TRIM23: variants seen among roughly 807,000 people sequenced by gnomAD.
The protein encoded by TRIM23 is E3 ubiquitin-protein ligase TRIM23.
Under a neutral mutation model 71.0 loss-of-function variants are expected in TRIM23, and 27 were observed. The ratio of observed to expected loss-of-function variants is 0.38; its 90% CI spans 0.28 to 0.52. The LOEUF (loss-of-function observed/expected upper bound fraction) is 0.52. TRIM23 is among the 20% of genes least tolerant of loss of function. TRIM23 has a pLI of 0.84. For synonymous variants in TRIM23, 234 were observed against 238.0 expected, an observed-to-expected ratio of 0.98 and a Z score of 0.16; for missense variants, 482 against 692.3, an observed-to-expected ratio of 0.70 and a Z score of 3.41.
chr5:65,607,208 G>C (rs1754532104), intron 6 of TRIM23: 1 of 152,114 alleles, frequency 6.6e-6, no homozygotes, highest in Non-Finnish European at 1.5e-5. Context: ...TTATAAAATA[G>C]AACAAAACTA....
chr5:65,595,279 C>T (rs890106396), intron 9 of TRIM23, among the ~76,000 whole-genome samples: 3 of 151,396 alleles, frequency 2.0e-5, no homozygotes, highest in South Asian at 2.1e-4. Context: ...TGAATGTGGC[C>T]GGGCGCGGTG....
chr5:65,596,024 T>C (rs865798190), intron 9 of TRIM23, among the ~76,000 whole-genome samples: 2 of 152,270 alleles, frequency 1.3e-5, no homozygotes, highest in South Asian at 2.1e-4. Flanking sequence ...AGTGGGGCTA[T>C]AGTGAGATTA....
chr5:65,623,179 T>C (rs1754994708), intron 1 of TRIM23, among the ~76,000 whole-genome samples: 1 of 152,246 alleles, frequency 6.6e-6, no homozygotes, highest in Non-Finnish European at 1.5e-5. Flanking sequence ...CATAGGTGTC[T>C]ACTTTTCAAG....
intron 6 of TRIM23, chr5:65,606,870 A>C (rs1015657778): frequency 1.3e-5 from 2 of 152,228 alleles, no homozygotes; most frequent in African/African-American, 4.8e-5. Context: ...AGTATAATTA[A>C]CTTACTTAGA....
At chr5:65,605,468 G>A (rs1240667299) in intron 6 of TRIM23, among the ~76,000 whole-genome samples, 1 of 152,160 alleles carries the variant, frequency 6.6e-6, no homozygotes, top group Non-Finnish European at 1.5e-5. Context: ...GTGAGTATGA[G>A]GGAACTACTG....
intron 7 of TRIM23, among the ~76,000 whole-genome samples, chr5:65,598,749 A>G: frequency 6.2e-5 from 1 of 16,074 alleles, no homozygotes; most frequent in East Asian, 6.1e-4. Context: ...ACTCCGCCTC[A>G]AAAAAAAAAA....
chr5:65,599,030 C>G (rs961736290), intron 7 of TRIM23, among the ~76,000 whole-genome samples: 3 of 152,056 alleles, frequency 2.0e-5, no homozygotes, highest in Non-Finnish European at 1.5e-5. Flanking sequence ...AAACTGAAAG[C>G]TTTTTCTCTA....
Position 65,597,200 on chromosome 5 carries a change from A to C in TRIM23, c.1180-20T>G. Reference sequence around the variant, plus strand: ...ATTATCCTACAATTTAAATATTTTTAAATATGTTTGACATGCAGTTAGAAA... The same window carrying C: ...ATTATCCTACAATTTAAATATTTTTCAATATGTTTGACATGCAGTTAGAAA... On this transcript the variant is annotated intron_variant, in intron 7 of 10. Coordinates refer to ENST00000231524, the MANE Select transcript of TRIM23 (RefSeq NM_001656.4). 3.1e-6 allele frequency: 5 copies of C among 1,612,572 alleles called. 1 individual carries two copies. In the South Asian group the frequency reaches 5.5e-5, roughly 18 times the overall value.
chr5:65,606,947 T>C (rs1754522976), intron 6 of TRIM23: 1 of 152,328 alleles, frequency 6.6e-6, no homozygotes. Context: ...GGCTTTTTGC[T>C]TATTGTGTTC....
intron 1 of TRIM23, among the ~76,000 whole-genome samples, chr5:65,619,417 AC>A (rs1754862516): frequency 6.6e-6 from 1 of 152,220 alleles, no homozygotes. Context: ...CCAAGTACCT[AC>A]TGCTTACATA....
intron 2 of TRIM23, among the ~76,000 whole-genome samples, chr5:65,615,587 T>C (rs1754757428): frequency 6.6e-6 from 1 of 151,930 alleles, no homozygotes; most frequent in African/African-American, 2.4e-5. Context: ...TGAACATATC[T>C]ATCCTCAGCC....
intron 7 of TRIM23, among the ~76,000 whole-genome samples, chr5:65,601,686 G>A (rs1212206526): frequency 2.0e-5 from 3 of 152,060 alleles, no homozygotes; most frequent in Non-Finnish European, 2.9e-5. Context: ...TGCCCTTACA[G>A]CAAACTTCTG....
At chr5:65,598,223 T>C (rs1224968044) in intron 7 of TRIM23, among the ~76,000 whole-genome samples, 23 of 152,172 alleles carry the variant, frequency 1.5e-4, no homozygotes, top group Non-Finnish European at 1.5e-5. Flanking sequence ...AGTCCAGTTA[T>C]ACACCTCAGA....
At chr5:65,599,051 CAAG>C (rs1299172174) in intron 7 of TRIM23, among the ~76,000 whole-genome samples, 2 of 152,106 alleles carry the variant, frequency 1.3e-5, no homozygotes, top group African/African-American at 4.8e-5. Flanking sequence ...AGATAAAGAA[CAAG>C]AAGATGCCCA....
chr5:65,609,406 T>C lies in TRIM23; in HGVS notation c.881A>G (p.Asp294Gly). ...ARSCIRAYFYDLHETLCRQEE... is the reference protein window; with the variant it reads ...ARSCIRAYFYGLHETLCRQEE... Reference sequence around the variant, plus strand: ...TTGACGACACAGAGTTTCATGTAGATCATAAAAATAAGCTCGAATACATGA... The same window carrying C: ...TTGACGACACAGAGTTTCATGTAGACCATAAAAATAAGCTCGAATACATGA... The change falls in exon 6 of 11, where the codon GAT (aspartate) becomes GGT (glycine). Residue 294 changes from aspartate (D) to glycine (G), a missense_variant. This residue lies in a region of TRIM23 where 307 missense variants were observed against 495.8 expected (regional missense o/e 0.62). Coordinates refer to ENST00000231524, the MANE Select transcript of TRIM23 (RefSeq NM_001656.4). 6.2e-7 allele frequency: 1 copy of C among 1,614,102 alleles called. No individual in the cohort carries two copies. The highest frequency in any genetic ancestry group is 2.2e-5 in the East Asian group (1 of 44,878).
intron 6 of TRIM23, 49 bp from the exon 7 acceptor site, chr5:65,605,094 G>A: frequency 2.0e-6 from 3 of 1,504,172 alleles, no homozygotes; most frequent in South Asian, 1.4e-5. Context: ...TAAGAAATAA[G>A]GAAAAGAGAC....
chr5:65,603,436 GAA>G (rs908427253), intron 7 of TRIM23, among the ~76,000 whole-genome samples: 1 of 150,578 alleles, frequency 6.6e-6, no homozygotes, highest in Non-Finnish European at 1.5e-5. Flanking sequence ...AAAAGAGCAG[GAA>G]AAAAAAAGTG....
At chr5:65,617,661 C>T (rs558241950) in intron 2 of TRIM23, among the ~76,000 whole-genome samples, 15 of 152,146 alleles carry the variant, frequency 9.9e-5, no homozygotes, top group East Asian at 1.9e-4. Flanking sequence ...AAGCTACAAA[C>T]ACTTCTGTCC....
chr5:65,623,587 C>T (rs906302955), intron 1 of TRIM23, among the ~76,000 whole-genome samples: 1 of 152,104 alleles, frequency 6.6e-6, no homozygotes, highest in African/African-American at 2.4e-5. Context: ...TCGTTAATGC[C>T]CAGCTATGAC....
Sources: gnomAD v4.1 joint callset for allele counts (sites outside exome capture counted in the v4.1 genomes callset) on GRCh38, gnomAD v4.1.1 for gene constraint, gnomAD v4.1.1 regional missense constraint, MANE v1.5 for transcripts, NCBI Gene and HGNC (gene_info 2026-07-23, HGNC 2026-07-21) for gene names.